PRKN: variants seen among roughly 807,000 people sequenced by gnomAD.
PRKN encodes the protein E3 ubiquitin-protein ligase parkin.
A neutral mutation model predicts 59.5 loss-of-function variants in PRKN; 56 were observed. That is an observed-to-expected ratio of 0.94 (90% CI 0.76 to 1.18). The LOEUF is 1.18. Among genes scored for constraint, PRKN ranks in the 50% most tolerant of loss-of-function variants. The pLI, the probability that PRKN is intolerant of heterozygous loss-of-function variation, is 0.00. For missense variants in PRKN, 657 were observed against 596.4 expected, an observed-to-expected ratio of 1.10 and a Z score of -1.06; for synonymous variants, 250 against 222.1, an observed-to-expected ratio of 1.13 and a Z score of -1.12.
intron 3 of PRKN, among the ~76,000 whole-genome samples, chr6:162,258,963 A>G (rs1424060122): frequency 6.6e-6 from 1 of 152,148 alleles, no homozygotes; most frequent in Admixed American, 6.6e-5. Flanking sequence ...AGAAGTTTCC[A>G]TTTGTTTCGA....
rs1779846447 is a variant in PRKN, at chr6:161,547,744, AGT to A, written c.1083+1108_1083+1109del. Among the ~76,000 whole-genome samples the A allele has an allele frequency of 6.6e-6, 1 of 152,218 alleles. No homozygotes were observed. Among genetic ancestry groups the A allele is most frequent in the African/African-American group, 2.4e-5 (1 of 41,454 alleles). ...CACATGATAATGACTAAGGCTGGAGAGTGTGTCCTGATTTCCATCGTCTCCAG... is the reference window on the plus strand; with the variant it reads ...CACATGATAATGACTAAGGCTGGAGAGTGTCCTGATTTCCATCGTCTCCAG... On this transcript the variant is annotated intron_variant, in intron 9 of 11. Coordinates refer to ENST00000366898, the MANE Select transcript of PRKN (RefSeq NM_004562.3). This position sits in a 1 kb window ranked among gnomAD's most constrained non-coding sequence, Gnocchi z 4.0.
At chr6:161,790,335 G>A (rs1335726877) in intron 6 of PRKN, among the ~76,000 whole-genome samples, 3 of 152,198 alleles carry the variant, frequency 2.0e-5, no homozygotes, top group Non-Finnish European at 4.4e-5. Context: ...GATGAAAAGA[G>A]TTGAGAACAG....
At chr6:161,730,031 A>G (rs1372225896) in intron 7 of PRKN, among the ~76,000 whole-genome samples, 2 of 149,046 alleles carry the variant, frequency 1.3e-5, no homozygotes, top group Non-Finnish European at 3.0e-5. Context: ...TTGCATTCTG[A>G]TGTGTTGTAT....
chr6:161,670,565 C>T (rs547339410), intron 7 of PRKN, among the ~76,000 whole-genome samples: 1 of 152,168 alleles, frequency 6.6e-6, no homozygotes, highest in Non-Finnish European at 1.5e-5. Context: ...CCTGTAATCC[C>T]AGCACTTTGG....
At chr6:161,804,160 G>A (rs117957027) in intron 6 of PRKN, among the ~76,000 whole-genome samples, 3 of 152,292 alleles carry the variant, frequency 2.0e-5, no homozygotes, top group South Asian at 4.1e-4. Flanking sequence ...TAACAATCAC[G>A]AATAATGAAG....
intron 1 of PRKN, among the ~76,000 whole-genome samples, chr6:162,626,814 CAAA>C (rs5881483): frequency 5.2e-5 from 7 of 133,832 alleles, no homozygotes; most frequent in Admixed American, 7.4e-5. Context: ...ACTCTGTCTC[CAAA>C]AAAAAAAAAA....
At chr6:162,307,425 C>T (rs954708986) in intron 2 of PRKN, among the ~76,000 whole-genome samples, 1 of 146,868 alleles carries the variant, frequency 6.8e-6, no homozygotes, top group Non-Finnish European at 1.5e-5. Context: ...AAAACACCAA[C>T]TAGATATAAC....
At chr6:161,819,112 T>C (rs1397245589) in intron 6 of PRKN, among the ~76,000 whole-genome samples, 1 of 152,168 alleles carries the variant, frequency 6.6e-6, no homozygotes, top group African/African-American at 2.4e-5. Context: ...TAAATGGAAA[T>C]TTCATTTCTC....
chr6:162,387,631 A>C (rs1284493262), intron 2 of PRKN, among the ~76,000 whole-genome samples: 1 of 150,304 alleles, frequency 6.7e-6, no homozygotes, highest in Non-Finnish European at 1.5e-5. Flanking sequence ...GTCTGCAAAT[A>C]GTCCCTAAGG....
intron 6 of PRKN, among the ~76,000 whole-genome samples, chr6:161,860,142 G>A (rs1793831910): frequency 6.6e-6 from 1 of 152,056 alleles, no homozygotes; most frequent in Non-Finnish European, 1.5e-5. Context: ...AATATTAACT[G>A]CAAATTTAAA....
At chr6:161,722,648 T>C (rs1787273622) in intron 7 of PRKN, among the ~76,000 whole-genome samples, 1 of 152,242 alleles carries the variant, frequency 6.6e-6, no homozygotes, top group Non-Finnish European at 1.5e-5. Flanking sequence ...CTCCTGTCAG[T>C]ATTTTTTGTG....
chr6:161,809,219 G>T lies in PRKN; in HGVS notation c.735-23311C>A, dbSNP rs140948727. Reference sequence around the variant, plus strand: ...TTTTTAGTTATAAATACCATATTGGGTGTACCCCTTACCCACACATCAACA... The same window carrying T: ...TTTTTAGTTATAAATACCATATTGGTTGTACCCCTTACCCACACATCAACA... On this transcript the variant is annotated intron_variant, in intron 6 of 11. Transcript: ENST00000366898. Among the ~76,000 whole-genome samples the T allele has an allele frequency of 6.3e-3, 966 of 152,176 alleles. 7 individuals are homozygous for T. The highest frequency in any genetic ancestry group is 0.022 in the African/African-American group (908 of 41,506).
At chr6:162,151,298 T>A (rs1033801324) in intron 4 of PRKN, among the ~76,000 whole-genome samples, 8 of 152,178 alleles carry the variant, frequency 5.3e-5, no homozygotes, top group Admixed American at 3.9e-4. Context: ...GACAAACAGG[T>A]GCACCAGCAT....
At chr6:161,516,099 A>G (rs918399160) in intron 9 of PRKN, among the ~76,000 whole-genome samples, 21 of 152,100 alleles carry the variant, frequency 1.4e-4, no homozygotes, top group African/African-American at 4.8e-4. Context: ...ACTTTTTTCT[A>G]TATAACCTTA....
rs971098995 is a variant in PRKN, at chr6:161,548,062, G to A, written c.1083+792C>T. On this transcript the variant is annotated intron_variant, in intron 9 of 11. Transcript: ENST00000366898. This position sits in a 1 kb window ranked among gnomAD's most constrained non-coding sequence, Gnocchi z 4.2. ...CTTCTTGCACAAAACTCCTCATGAA[G>A]TTGCAATTTTAAAAGAAATGTTTCT... Among the ~76,000 whole-genome samples the A allele has an allele frequency of 6.6e-5, 10 of 152,164 alleles. No homozygotes were observed. The East Asian group carries it at 1.9e-3, about 29-fold the overall frequency.
intron 1 of PRKN, among the ~76,000 whole-genome samples, chr6:162,708,575 G>A (rs1778415288): frequency 6.6e-6 from 1 of 152,178 alleles, no homozygotes; most frequent in Non-Finnish European, 1.5e-5. Context: ...ACATGAAATT[G>A]ATTAGCCTCT....
At chr6:161,873,263 T>C (rs1794418913) in intron 6 of PRKN, among the ~76,000 whole-genome samples, 2 of 151,912 alleles carry the variant, frequency 1.3e-5, no homozygotes, top group Admixed American at 1.3e-4. Context: ...TCCTTCCCTG[T>C]AGAAACGGTC....
chr6:162,660,548 C>T (rs1342040876), intron 1 of PRKN, among the ~76,000 whole-genome samples: 2 of 152,186 alleles, frequency 1.3e-5, no homozygotes, highest in Admixed American at 6.5e-5. Context: ...GCTTCCTTCC[C>T]TATGATTCCA....
intron 1 of PRKN, among the ~76,000 whole-genome samples, chr6:162,492,202 G>A (rs1792848200): frequency 6.6e-6 from 1 of 152,210 alleles, no homozygotes; most frequent in Non-Finnish European, 1.5e-5. Flanking sequence ...CATGATAAAA[G>A]ATTGGCCTGT....
Sources: allele counts gnomAD v4.1 joint callset (sites outside exome capture counted in the v4.1 genomes callset), GRCh38; gene constraint gnomAD v4.1.1; non-coding constraint Gnocchi (gnomAD v3.1); transcripts MANE v1.5; gene names NCBI Gene and HGNC (gene_info 2026-07-23, HGNC 2026-07-21).